Variants in LRCH2 observed in about 807,000 individuals in gnomAD.
LRCH2 encodes leucine rich repeats and calponin homology domain containing 2, also known as leucine-rich repeat and calponin homology domain-containing protein 2.
A neutral mutation model predicts 68.9 loss-of-function variants in LRCH2; 38 were observed. The ratio of observed to expected loss-of-function variants is 0.55; its 90% CI spans 0.43 to 0.72. The LOEUF is 0.72. Ranked by LOEUF, LRCH2 falls within the 30% of genes least tolerant of loss-of-function variation. LRCH2 has a pLI of 0.00. For synonymous variants in LRCH2, 191 were observed against 208.1 expected, an observed-to-expected ratio of 0.92 and a Z score of 0.71; for missense variants, 528 against 572.9, an observed-to-expected ratio of 0.92 and a Z score of 0.80.
chrX:115,205,018 G>A (rs1413333716), intron 1 of LRCH2, among the ~76,000 whole-genome samples: 3 of 111,647 alleles, frequency 2.7e-5, no homozygotes, highest in Non-Finnish European at 3.8e-5. Flanking sequence ...AAAGAAAAGA[G>A]GTTTAATTGA....
At chrX:115,186,905 G>C in intron 2 of LRCH2, among the ~76,000 whole-genome samples, 1 of 97,415 alleles carries the variant, frequency 1.0e-5, no homozygotes, top group African/African-American at 3.8e-5. Flanking sequence ...TGCAAGCTCC[G>C]CCTCCCAGGT....
At chrX:115,199,471 C>A (rs782456189) in intron 1 of LRCH2, among the ~76,000 whole-genome samples, 2 of 112,239 alleles carry the variant, frequency 1.8e-5, no homozygotes, top group African/African-American at 6.5e-5. Flanking sequence ...ACAGTCCACA[C>A]AAACAAAATC....
At chrX:115,142,101 TAGTC>T (rs2147364400) in intron 14 of LRCH2, among the ~76,000 whole-genome samples, 1 of 111,172 alleles carries the variant, frequency 9.0e-6, no homozygotes, top group Admixed American at 9.6e-5. Flanking sequence ...GGGGTAAACT[TAGTC>T]AGAGGATATA....
At chrX:115,116,086 C>T (rs1410182439) in intron 20 of LRCH2, among the ~76,000 whole-genome samples, 2 of 111,167 alleles carry the variant, frequency 1.8e-5, no homozygotes, top group Non-Finnish European at 3.8e-5. Context: ...AATTAGAACC[C>T]TCATATATTG....
chrX:115,169,753 A>G (rs1270106121), intron 6 of LRCH2, among the ~76,000 whole-genome samples: 1 of 111,712 alleles, frequency 9.0e-6, no homozygotes, highest in Non-Finnish European at 1.9e-5. Context: ...ACATCTTGAA[A>G]GGATGAATTA....
At chrX:115,116,219 T>A (rs1409649498) in intron 20 of LRCH2, among the ~76,000 whole-genome samples, 4 of 111,381 alleles carry the variant, frequency 3.6e-5, no homozygotes, top group Non-Finnish European at 7.6e-5. Context: ...CCAAGAGAAC[T>A]GAAAACAAGT....
intron 5 of LRCH2, 43 bp downstream of exon 5, chrX:115,179,384 G>A (rs1293028945): frequency 3.0e-6 from 3 of 990,055 alleles, no homozygotes; most frequent in Non-Finnish European, 2.6e-6. Context: ...ATAAAATTAT[G>A]AATAAAAATG....
In LRCH2 at chrX:115,149,863, C is replaced by T; in HGVS notation, c.1659G>A (p.Arg553=). ...CTTTTCTAATCTGTTTGCTCCGCCT[C>T]CTTTCTTCACTCTGCCAGATTATAG... is the stretch of plus-strand genomic sequence containing the variant. ...SHPIIWQSEE[R]RRSKQIRKEY... is the part of the protein sequence containing the mutation. The change falls in exon 14 of 21, where the codon AGG becomes AGA. Residue 553 remains arginine (R), a synonymous_variant. Coordinates refer to ENST00000317135, the MANE Select transcript of LRCH2 (RefSeq NM_020871.4). 8.3e-7 allele frequency: 1 copy of T among 1,202,742 alleles called. No homozygotes were observed. The highest frequency in any genetic ancestry group is 1.1e-6 in the Non-Finnish European group (1 of 889,130).
chrX:115,190,465 G>A, intron 1 of LRCH2: 1 of 1,167,767 alleles, frequency 8.6e-7, no homozygotes, highest in Non-Finnish European at 1.1e-6. Flanking sequence ...TGCCTGCAGT[G>A]AAGGCCGCTC....
intron 1 of LRCH2, among the ~76,000 whole-genome samples, chrX:115,203,022 A>T (rs1191504048): frequency 3.6e-5 from 4 of 112,106 alleles, no homozygotes; most frequent in Non-Finnish European, 7.5e-5. Context: ...AAGAACTACC[A>T]GAAACTGAGT....
At chrX:115,185,714 A>G (rs782702722) in intron 2 of LRCH2, among the ~76,000 whole-genome samples, 15 of 111,585 alleles carry the variant, frequency 1.3e-4, no homozygotes, top group African/African-American at 4.6e-4. Flanking sequence ...CAAACAAACA[A>G]ACAAAAAAAT....
At chrX:115,124,982 G>A (rs961670763) in intron 16 of LRCH2, among the ~76,000 whole-genome samples, 21 of 111,162 alleles carry the variant, frequency 1.9e-4, no homozygotes, top group African/African-American at 6.5e-4. Context: ...ATGCAGTTCA[G>A]GTTAAATGTC....
In LRCH2 at chrX:115,165,938, G is replaced by A. The variant is rs1556544722; in HGVS notation, c.1101C>T (p.Asp367=). The A allele has an allele frequency of 8.7e-7, 1 of 1,154,939 alleles. No individual in the cohort carries two copies. Among genetic ancestry groups the A allele is most frequent in the Non-Finnish European group, 1.2e-6 (1 of 861,644 alleles). ...RLSTTEPSDD[D]TVSLHSQVSE... ...AGACTTGAGAATGAAGGCTGACTGT[G>A]TCATCATCTGATGGCTAAAAGGAAT... Residue 367 remains aspartate, a synonymous_variant, in exon 8 of 21, where the codon GAC becomes GAT. Coordinates refer to ENST00000317135, the MANE Select transcript of LRCH2 (RefSeq NM_020871.4).
In LRCH2 at chrX:115,234,063, C is replaced by T. The variant is rs1189009448; in HGVS notation, c.-22G>A. 7.8e-6 allele frequency: 9 copies of T among 1,157,337 alleles called. No individual in the cohort carries two copies. Among genetic ancestry groups the T allele is most frequent in the Admixed American group, 2.6e-5 (1 of 37,745 alleles). On this transcript the variant is annotated 5_prime_UTR_variant, in exon 1 of 21. Coordinates refer to ENST00000317135, the MANE Select transcript of LRCH2 (RefSeq NM_020871.4). ...CCATGTTCCTGGGAGAGAGAATAGC[C>T]CCCGACAATACTGTCAGCCTGTGCC...
intron 1 of LRCH2, chrX:115,190,425 CT>C (rs782301989): frequency 8.6e-7 from 1 of 1,165,720 alleles, no homozygotes; most frequent in South Asian, 1.9e-5. Flanking sequence ...GAGGATGCCG[CT>C]ACGAGGAGTA....
chrX:115,128,712 A>C (rs1556528892), intron 15 of LRCH2, among the ~76,000 whole-genome samples: 1 of 112,230 alleles, frequency 8.9e-6, no homozygotes, highest in African/African-American at 3.2e-5. Flanking sequence ...TTACAATCCC[A>C]TACAGCATGT....
intron 2 of LRCH2, among the ~76,000 whole-genome samples, chrX:115,186,659 G>A (rs1026813206): frequency 7.2e-5 from 8 of 110,345 alleles, no homozygotes; most frequent in African/African-American, 1.3e-4. Flanking sequence ...CACTTTTTCC[G>A]CAAAAGAACA....
chrX:115,228,955 T>C (rs2073136560), intron 1 of LRCH2, among the ~76,000 whole-genome samples: 1 of 111,446 alleles, frequency 9.0e-6, no homozygotes, highest in African/African-American at 3.3e-5. Flanking sequence ...ATGGTTATAT[T>C]ACTGTATACA....
At chrX:115,232,624 A>G (rs148518351) in intron 1 of LRCH2, among the ~76,000 whole-genome samples, 1,561 of 111,955 alleles carry the variant, frequency 0.014, 28 homozygotes, top group African/African-American at 0.048. Context: ...TTTGAAAATA[A>G]GTGGTATTTT....
Sources: allele counts gnomAD v4.1 joint callset (sites outside exome capture counted in the v4.1 genomes callset), GRCh38; gene constraint gnomAD v4.1.1; transcripts MANE v1.5; gene names NCBI Gene and HGNC (gene_info 2026-07-23, HGNC 2026-07-21).